CFAP299: variants seen among roughly 807,000 people sequenced by gnomAD.
CFAP299 encodes the protein cilia and flagella associated protein 299.
CFAP299 carries 21 observed loss-of-function variants against 27.0 expected under a neutral mutation model. The ratio of observed to expected loss-of-function variants is 0.78; its 90% CI spans 0.55 to 1.12. The LOEUF (loss-of-function observed/expected upper bound fraction) is 1.12, where lower values mean the gene tolerates loss of function less well. Ranked by LOEUF, CFAP299 falls within the 50% of genes most tolerant of loss-of-function variation. The pLI is 0.00. For synonymous variants in CFAP299, 104 were observed against 98.1 expected (o/e 1.06, Z -0.36); for missense variants, 310 against 276.6 (o/e 1.12, Z -0.86).
chr4:80,810,890 C>T (rs1729118292), intron 3 of CFAP299, among the ~76,000 whole-genome samples: 1 of 152,134 alleles, frequency 6.6e-6, no homozygotes, highest in Non-Finnish European at 1.5e-5. Flanking sequence ...CCTGATGCAA[C>T]ATCCCCTGTT....
chr4:80,907,491 G>A (rs547614132), intron 4 of CFAP299, among the ~76,000 whole-genome samples: 1 of 152,238 alleles, frequency 6.6e-6, no homozygotes, highest in South Asian at 2.1e-4. Context: ...CTGAGACTGG[G>A]TGATTTATAA....
chr4:80,873,906 C>T lies in CFAP299; in HGVS notation c.476+3771C>T, dbSNP rs997341617. ...TTAGAGCTTCCATGAAATATTCATA[C>T]CCTTGACCAGAAAATGACCTTAAAT... On this transcript the variant is annotated intron_variant, in intron 4 of 5. Transcript: ENST00000358105. Among the ~76,000 whole-genome samples the T allele has an allele frequency of 4.6e-5, 7 of 152,238 alleles. 1 individual carries two copies. The highest frequency in any genetic ancestry group is 6.5e-5 in the Admixed American group (1 of 15,294).
chr4:80,870,562 C>G lies in CFAP299; in HGVS notation c.476+427C>G, dbSNP rs914238420. On this transcript the variant is annotated intron_variant, in intron 4 of 5. Transcript: ENST00000358105. Reference sequence around the variant, plus strand: ...TCATTTCTCTCATCTCTGTCCTATTCTGGGACACCCATTCCTTAACACCCA... The same window carrying G: ...TCATTTCTCTCATCTCTGTCCTATTGTGGGACACCCATTCCTTAACACCCA... The G allele has an allele frequency of 5.1e-6, 5 of 987,552 alleles. No homozygotes were observed. The Admixed American group carries it at 1.8e-4, about 36-fold the overall frequency. 61.2% of individuals were successfully genotyped at this position (987,552 alleles called of 1,614,324 possible). A position where few individuals can be genotyped will look rare whatever the true frequency, so the allele number is the denominator to read the frequency against.
intron 3 of CFAP299, among the ~76,000 whole-genome samples, chr4:80,710,628 C>A (rs1427852368): frequency 6.7e-6 from 1 of 149,756 alleles, no homozygotes; most frequent in African/African-American, 2.5e-5. Flanking sequence ...ATTCAAAATC[C>A]TTTAGAGGAA....
chr4:80,775,459 C>T (rs112715520), intron 3 of CFAP299, among the ~76,000 whole-genome samples: 1,617 of 152,018 alleles, frequency 0.011, 27 homozygotes, highest in African/African-American at 0.036. Flanking sequence ...TAGGTCTCTT[C>T]TATCTGTAAT....
At chr4:80,771,668 C>A (rs1726224913) in intron 3 of CFAP299, among the ~76,000 whole-genome samples, 2 of 152,188 alleles carry the variant, frequency 1.3e-5, no homozygotes. Flanking sequence ...GGGACCCATG[C>A]TCCTTCTATG....
At chr4:80,567,917 A>G (rs1735390274) in intron 2 of CFAP299, among the ~76,000 whole-genome samples, 1 of 151,704 alleles carries the variant, frequency 6.6e-6, no homozygotes. Context: ...AATACAATGT[A>G]TATTTGAATC....
chr4:80,733,455 G>T (rs10010032), intron 3 of CFAP299, among the ~76,000 whole-genome samples: 1 of 151,862 alleles, frequency 6.6e-6, no homozygotes, highest in African/African-American at 2.4e-5. Flanking sequence ...ATCCTTTGTC[G>T]TACAAACAAT....
chr4:80,720,610 T>C lies in CFAP299; in HGVS notation c.333+137427T>C, dbSNP rs111875960. On this transcript the variant is annotated intron_variant, in intron 3 of 5. Coordinates refer to ENST00000358105, the MANE Select transcript of CFAP299 (RefSeq NM_152770.3). ...TTTAAACCTACCTTTTAAGGTAGGA[T>C]TAATTATAATTAATCTTACCATGTC... 3.3e-5 allele frequency among the ~76,000 whole-genome samples: 5 copies of C among 152,196 alleles called. 1 individual carries two copies. Among genetic ancestry groups the C allele is most frequent in the African/African-American group, 1.2e-4 (5 of 41,564 alleles).
chr4:80,765,923 C>A (rs891473709), intron 3 of CFAP299, among the ~76,000 whole-genome samples: 7 of 151,946 alleles, frequency 4.6e-5, no homozygotes, highest in African/African-American at 1.2e-4. Context: ...TTTTGACATA[C>A]AGACAATAAA....
At chr4:80,841,140 A>C (rs745913800) in intron 3 of CFAP299, among the ~76,000 whole-genome samples, 5 of 152,164 alleles carry the variant, frequency 3.3e-5, no homozygotes, top group Non-Finnish European at 5.9e-5. Flanking sequence ...AGCACTTTAT[A>C]AATATGTGTT....
At chr4:80,584,987 T>A (rs1736359161) in intron 3 of CFAP299, among the ~76,000 whole-genome samples, 1 of 152,052 alleles carries the variant, frequency 6.6e-6, no homozygotes, top group South Asian at 2.1e-4. Flanking sequence ...TAAAAATCTC[T>A]GATTGTGTGA....
intron 2 of CFAP299, among the ~76,000 whole-genome samples, chr4:80,559,273 C>T (rs1734927238): frequency 6.6e-6 from 1 of 152,116 alleles, no homozygotes; most frequent in Non-Finnish European, 1.5e-5. Flanking sequence ...TGGCTTTTCC[C>T]AACTGCAAAA....
intron 4 of CFAP299, among the ~76,000 whole-genome samples, chr4:80,910,998 T>C (rs1560473440): frequency 6.6e-6 from 1 of 152,136 alleles, no homozygotes; most frequent in East Asian, 1.9e-4. Flanking sequence ...ATCTTACTAA[T>C]TTTTTTCTAA....
intron 2 of CFAP299, among the ~76,000 whole-genome samples, chr4:80,401,514 G>A (rs544663908): frequency 1.4e-4 from 21 of 152,230 alleles, no homozygotes; most frequent in African/African-American, 4.8e-4. Context: ...CTTCCACATG[G>A]TGTTGAGCCT....
chr4:80,834,719 C>T (rs571666079), intron 3 of CFAP299, among the ~76,000 whole-genome samples: 4 of 152,232 alleles, frequency 2.6e-5, no homozygotes, highest in South Asian at 2.1e-4. Flanking sequence ...TGGTAGTCGG[C>T]GGACAGGGCA....
intron 2 of CFAP299, among the ~76,000 whole-genome samples, chr4:80,556,759 C>A (rs1241504847): frequency 6.6e-6 from 1 of 151,934 alleles, no homozygotes; most frequent in East Asian, 1.9e-4. Flanking sequence ...ATAAAATTGT[C>A]ATTCAAGTAG....
At chr4:80,546,952 G>T (rs1734262477) in intron 2 of CFAP299, among the ~76,000 whole-genome samples, 2 of 152,010 alleles carry the variant, frequency 1.3e-5, no homozygotes, top group South Asian at 4.1e-4. Flanking sequence ...TGGCCATATT[G>T]TCTGGAGCAA....
At chr4:80,387,382 G>A (rs1725072614) in intron 2 of CFAP299, 1 of 1,219,900 alleles carries the variant, frequency 8.2e-7, no homozygotes, top group Non-Finnish European at 1.2e-6. Context: ...TGTGAGACTT[G>A]AGCTGGAAAT....
Sources: gnomAD v4.1 joint callset for allele counts (sites outside exome capture counted in the v4.1 genomes callset) on GRCh38, gnomAD v4.1.1 for gene constraint, MANE v1.5 for transcripts, NCBI Gene and HGNC (gene_info 2026-07-23, HGNC 2026-07-21) for gene names.